The following NCOA2 variants were observed in gnomAD, a reference collection of about 807,000 sequenced individuals.
The protein encoded by NCOA2 is nuclear receptor coactivator 2.
NCOA2 carries 21 observed loss-of-function variants against 145.1 expected under a neutral mutation model. The observed-to-expected ratio is 0.14, with a 90% CI of 0.10 to 0.21. NCOA2 has a LOEUF of 0.21. Ranked by LOEUF, NCOA2 falls within the 10% of genes least tolerant of loss-of-function variation. NCOA2 has a pLI of 1.00. For synonymous variants in NCOA2, 619 were observed against 637.5 expected, an observed-to-expected ratio of 0.97 and a Z score of 0.44; for missense variants, 1,472 against 1,837.6, an observed-to-expected ratio of 0.80 and a Z score of 3.64.
intron 1 of NCOA2, among the ~76,000 whole-genome samples, chr8:70,311,069 G>A (rs973807042): frequency 6.6e-6 from 1 of 151,888 alleles, no homozygotes; most frequent in Non-Finnish European, 1.5e-5. Context: ...CAATGTCTCG[G>A]TAGTAGATTC....
chr8:70,262,057 T>G (rs1824180253), intron 2 of NCOA2, among the ~76,000 whole-genome samples: 1 of 151,984 alleles, frequency 6.6e-6, no homozygotes, highest in South Asian at 2.1e-4. Context: ...AAAATAATTA[T>G]AATATAAAAA....
chr8:70,246,033 T>A (rs1308438006), intron 2 of NCOA2, among the ~76,000 whole-genome samples: 3 of 152,146 alleles, frequency 2.0e-5, no homozygotes. Context: ...AATATTCCCA[T>A]GGCCAAAGCA....
At chr8:70,359,685 T>G (rs555337044) in intron 1 of NCOA2, among the ~76,000 whole-genome samples, 4 of 152,266 alleles carry the variant, frequency 2.6e-5, no homozygotes, top group African/African-American at 9.6e-5. Flanking sequence ...TCCAATGAAT[T>G]GTTTGCTTTA....
At chr8:70,182,147 C>T (rs952646945) in intron 4 of NCOA2, among the ~76,000 whole-genome samples, 1 of 152,220 alleles carries the variant, frequency 6.6e-6, no homozygotes. Context: ...CATTAATGCA[C>T]TATATATCAT....
chr8:70,315,946 T>C (rs997463310), intron 1 of NCOA2, among the ~76,000 whole-genome samples: 1 of 152,128 alleles, frequency 6.6e-6, no homozygotes, highest in Non-Finnish European at 1.5e-5. Flanking sequence ...TGCTGGGGTA[T>C]AATATTATGG....
intron 18 of NCOA2, among the ~76,000 whole-genome samples, chr8:70,127,473 C>T (rs547506950): frequency 3.9e-5 from 6 of 152,160 alleles, no homozygotes; most frequent in African/African-American, 1.4e-4. Context: ...GTGCACTTCA[C>T]AAAAGGCTGA....
chr8:70,450,560 ACTT>A, the NCOA2 span, among the ~76,000 whole-genome samples: 5 of 102,588 alleles, frequency 4.9e-5, no homozygotes, highest in African/African-American at 2.0e-4. Flanking sequence ...GCACTAACTC[ACTT>A]CTTTTTATTC....
At chr8:70,282,613 G>A (rs1359019239) in intron 2 of NCOA2, among the ~76,000 whole-genome samples, 2 of 151,606 alleles carry the variant, frequency 1.3e-5, no homozygotes, top group Non-Finnish European at 2.9e-5. Flanking sequence ...GCTTGAACCC[G>A]GAAGGCGGAG....
chr8:70,355,177 G>T (rs35060705), intron 1 of NCOA2, among the ~76,000 whole-genome samples: 15,980 of 152,214 alleles, frequency 0.1, 1,285 homozygotes, highest in East Asian at 0.41. Flanking sequence ...CACATGGCCA[G>T]ATCAGCCATG....
chr8:70,147,199 C>A (rs1168196911), intron 12 of NCOA2, among the ~76,000 whole-genome samples: 1 of 151,742 alleles, frequency 6.6e-6, no homozygotes, highest in Admixed American at 6.6e-5. Context: ...GCGGCGCAAT[C>A]TCGGACCACT....
At chr8:70,388,648 C>G (rs1172594726) in intron 1 of NCOA2, among the ~76,000 whole-genome samples, 2 of 151,938 alleles carry the variant, frequency 1.3e-5, no homozygotes, top group African/African-American at 4.9e-5. Context: ...ATACGAGTCA[C>G]TCATTAAATT....
chr8:70,118,240 A>G (rs1160191823), intron 22 of NCOA2, among the ~76,000 whole-genome samples: 1 of 152,226 alleles, frequency 6.6e-6, no homozygotes, highest in Non-Finnish European at 1.5e-5. Context: ...TGATACGCTC[A>G]GAGGTTGAGC....
At chr8:70,420,126 G>A in the NCOA2 span, among the ~76,000 whole-genome samples, 1 of 152,148 alleles carries the variant, frequency 6.6e-6, no homozygotes, top group Non-Finnish European at 1.5e-5. Context: ...TGAATGGATA[G>A]TAAATAAATA....
chr8:70,201,736 C>T (rs1563612173), intron 4 of NCOA2, among the ~76,000 whole-genome samples: 1 of 152,196 alleles, frequency 6.6e-6, no homozygotes, highest in Non-Finnish European at 1.5e-5. Flanking sequence ...TACACTTCTT[C>T]TTTCCCTGTA....
At chr8:70,145,895 T>A (rs189648874) in intron 12 of NCOA2, among the ~76,000 whole-genome samples, 1,696 of 152,298 alleles carry the variant, frequency 0.011, 30 homozygotes, top group African/African-American at 0.037. Flanking sequence ...CCCCCCAAAG[T>A]GCTGGGATTA....
intron 1 of NCOA2, among the ~76,000 whole-genome samples, chr8:70,355,443 G>A (rs747644893): frequency 6.6e-6 from 1 of 152,236 alleles, no homozygotes; most frequent in East Asian, 1.9e-4. Context: ...TCAATAAAAT[G>A]AGGGGGTGAG....
chr8:70,154,432 A>G (rs1563533579), intron 11 of NCOA2, among the ~76,000 whole-genome samples: 1 of 152,094 alleles, frequency 6.6e-6, no homozygotes, highest in African/African-American at 2.4e-5. Context: ...TAATTTTTTG[A>G]GACAGGGTCT....
intron 1 of NCOA2, among the ~76,000 whole-genome samples, chr8:70,378,743 TAA>T (rs10672044): frequency 3.9e-4 from 43 of 109,798 alleles, no homozygotes; most frequent in Admixed American, 3.9e-4. Flanking sequence ...TAGGCTATGC[TAA>T]AAAAAAAAAA....
At chr8:70,333,367 T>A (rs532917866) in intron 1 of NCOA2, among the ~76,000 whole-genome samples, 3 of 152,158 alleles carry the variant, frequency 2.0e-5, no homozygotes, top group Non-Finnish European at 2.9e-5. Flanking sequence ...AGACTCCCAA[T>A]AGCAGCCACT....
Sources: allele counts gnomAD v4.1 joint callset (sites outside exome capture counted in the v4.1 genomes callset), GRCh38; gene constraint gnomAD v4.1.1; transcripts MANE v1.5; gene names NCBI Gene and HGNC (gene_info 2026-07-23, HGNC 2026-07-21).